CDCP1: variants seen among roughly 807,000 people sequenced by gnomAD.
CDCP1 encodes the protein CUB domain containing protein 1, also known as CUB domain-containing protein 1.
In CDCP1, 29 loss-of-function variants were observed where a neutral mutation model predicts 60.2. The observed-to-expected ratio is 0.48, with a 90% CI of 0.36 to 0.66. The LOEUF (loss-of-function observed/expected upper bound fraction) is 0.66. Ranked by LOEUF, CDCP1 falls within the 30% of genes least tolerant of loss-of-function variation. The pLI is 0.00. For synonymous variants in CDCP1, 387 were observed against 431.1 expected, an observed-to-expected ratio of 0.90 and a Z score of 1.27; for missense variants, 876 against 1,074.3, an observed-to-expected ratio of 0.82 and a Z score of 2.58.
intron 4 of CDCP1, among the ~76,000 whole-genome samples, chr3:45,102,913 C>T (rs1232468386): frequency 2.0e-5 from 3 of 151,844 alleles, no homozygotes; most frequent in East Asian, 1.9e-4. Context: ...ATGCCTGCCT[C>T]GGCCTCCCAA....
chr3:45,089,588 T>A (rs192785105), intron 7 of CDCP1, among the ~76,000 whole-genome samples: 87 of 152,322 alleles, frequency 5.7e-4, no homozygotes, highest in African/African-American at 1.8e-3. Flanking sequence ...AGGCTTCTGG[T>A]TGGGGCCCCA....
At chr3:45,122,597 G>T (rs1406829320) in intron 1 of CDCP1, among the ~76,000 whole-genome samples, 2 of 151,754 alleles carry the variant, frequency 1.3e-5, no homozygotes, top group African/African-American at 2.4e-5. Flanking sequence ...TGGGACTACA[G>T]GTGTGCCACC....
At chr3:45,126,130 C>CT (rs970630728) in intron 1 of CDCP1, among the ~76,000 whole-genome samples, 5 of 132,192 alleles carry the variant, frequency 3.8e-5, no homozygotes, top group African/African-American at 1.7e-4. Context: ...TTCTTTCTTT[C>CT]TTTCTTTCTT....
chr3:45,091,263 T>C lies in CDCP1; in HGVS notation c.1903A>G (p.Ser635Gly), dbSNP rs147957477. ...VLPKPSFHHH[S>G]FWVNISNCSP... Reference sequence around the variant, plus strand: ...CAGTTAGAGATGTTGACCCAGAAGCTGTGATGGTGGAAGCTTGGCTTGGGG... The same window carrying C: ...CAGTTAGAGATGTTGACCCAGAAGCCGTGATGGTGGAAGCTTGGCTTGGGG... Residue 635 changes from serine to glycine, a missense_variant, in exon 7 of 9, where the codon AGC becomes GGC. By Grantham distance (56) the Ser-to-Gly change is moderately conservative. Coordinates refer to ENST00000296129, the MANE Select transcript of CDCP1 (RefSeq NM_022842.5). The surrounding 1 kb of genome is among the most constrained non-coding windows in gnomAD (Gnocchi z 4.8). The C allele has an allele frequency of 7.4e-6, 12 of 1,613,548 alleles. No individual in the cohort carries two copies. Among genetic ancestry groups the C allele is most frequent in the African/African-American group, 2.7e-5 (2 of 74,724 alleles).
intron 4 of CDCP1, among the ~76,000 whole-genome samples, chr3:45,109,491 C>A (rs1421094840): frequency 6.6e-6 from 1 of 152,120 alleles, no homozygotes; most frequent in Non-Finnish European, 1.5e-5. Context: ...TGAACAGCGT[C>A]CATCCTTAGC....
chr3:45,115,711 T>A (rs35757792), intron 2 of CDCP1, among the ~76,000 whole-genome samples: 62,317 of 151,624 alleles, frequency 0.41, 14,461 homozygotes, highest in South Asian at 0.58. Context: ...CTTTTTTTTT[T>A]AAATTTTTTT....
intron 1 of CDCP1, among the ~76,000 whole-genome samples, chr3:45,126,162 C>CTT (rs752295274): frequency 6.9e-6 from 1 of 144,702 alleles, no homozygotes; most frequent in South Asian, 2.3e-4. Context: ...TTCTTTCTTT[C>CTT]TTTCTTTCTT....
chr3:45,144,223 G>C (rs1270466248), intron 1 of CDCP1, among the ~76,000 whole-genome samples: 1 of 151,944 alleles, frequency 6.6e-6, no homozygotes, highest in Non-Finnish European at 1.5e-5. Flanking sequence ...TTTTTACTCT[G>C]CTGAGTCTTT....
At chr3:45,118,759 TG>T (rs1698835798) in intron 1 of CDCP1, 138 bp from the exon 2 acceptor site, 1 of 653,032 alleles carries the variant, frequency 1.5e-6, no homozygotes, top group East Asian at 2.7e-5. Flanking sequence ...AGAAGAAGGG[TG>T]GTGCAAAATG....
At chr3:45,103,124 T>C (rs1005802992) in intron 4 of CDCP1, among the ~76,000 whole-genome samples, 1 of 152,206 alleles carries the variant, frequency 6.6e-6, no homozygotes, top group Non-Finnish European at 1.5e-5. Flanking sequence ...TGTGCTCTTT[T>C]CCAGTCAGTT....
At chr3:45,120,214 A>C (rs1698859907) in intron 1 of CDCP1, among the ~76,000 whole-genome samples, 1 of 152,158 alleles carries the variant, frequency 6.6e-6, no homozygotes, top group African/African-American at 2.4e-5. Flanking sequence ...GTATTCCCAC[A>C]GCTCAGCAGC....
In CDCP1 at chr3:45,098,751, AAC is replaced by A. The variant is rs1412864349; in HGVS notation, c.1025-3185_1025-3184del. Among the ~76,000 whole-genome samples the A allele has an allele frequency of 3.9e-5, 6 of 152,278 alleles. No individual in the cohort carries two copies. The East Asian group carries it at 1.2e-3, about 29-fold the overall frequency. On this transcript the variant is annotated intron_variant, in intron 4 of 8. Transcript: ENST00000296129. ...GTAATCGTGACTATGTAATAATATT[AAC>A]AGTGTTTAGGTAGCTACACTATATT...
chr3:45,105,664 T>TTATAGATGGGTAGATA (rs1414750308), intron 4 of CDCP1, among the ~76,000 whole-genome samples: 1 of 152,212 alleles, frequency 6.6e-6, no homozygotes, highest in Non-Finnish European at 1.5e-5. Context: ...CCCTAAAGCC[T>TTATAGATGGGTAGATA]TATAGATGGG....
intron 5 of CDCP1, 114 bp from the exon 6 acceptor site, chr3:45,093,771 G>T: frequency 8.0e-7 from 1 of 1,247,622 alleles, no homozygotes. Flanking sequence ...GTTTCCCTTC[G>T]GTCTCTCTTC....
intron 1 of CDCP1, among the ~76,000 whole-genome samples, chr3:45,125,657 G>C (rs1173745149): frequency 6.6e-6 from 1 of 152,218 alleles, no homozygotes; most frequent in Non-Finnish European, 1.5e-5. Context: ...AACTATAGCA[G>C]CAGTTTGGCT....
At chr3:45,119,759 T>C (rs1199056147) in intron 1 of CDCP1, among the ~76,000 whole-genome samples, 1 of 152,250 alleles carries the variant, frequency 6.6e-6, no homozygotes. Flanking sequence ...CTCACTCATT[T>C]TGAGAGTTTT....
At chr3:45,100,601 A>C (rs1698472666) in intron 4 of CDCP1, among the ~76,000 whole-genome samples, 1 of 152,184 alleles carries the variant, frequency 6.6e-6, no homozygotes, top group Non-Finnish European at 1.5e-5. Flanking sequence ...CTACTCTATG[A>C]AATGTTATAC....
chr3:45,094,210 ACTGGCCTTCAGT>A (rs1370699345), intron 5 of CDCP1, among the ~76,000 whole-genome samples: 4 of 144,846 alleles, frequency 2.8e-5, no homozygotes, highest in African/African-American at 7.6e-5. Flanking sequence ...CTGTTGGTTT[ACTGGCCTTCAGT>A]CATCAAACAT....
chr3:45,125,413 A>C (rs186979124), intron 1 of CDCP1, among the ~76,000 whole-genome samples: 3 of 152,276 alleles, frequency 2.0e-5, no homozygotes, highest in African/African-American at 7.2e-5. Context: ...ACTCACCCAG[A>C]TGTGCTTCCT....
Sources: allele counts gnomAD v4.1 joint callset (sites outside exome capture counted in the v4.1 genomes callset), GRCh38; gene constraint gnomAD v4.1.1; non-coding constraint Gnocchi (gnomAD v3.1); transcripts MANE v1.5; gene names NCBI Gene and HGNC (gene_info 2026-07-23, HGNC 2026-07-21).